CCDC171: variants seen among roughly 807,000 people sequenced by gnomAD.
CCDC171 encodes the protein coiled-coil domain containing 171, also known as coiled-coil domain-containing protein 171.
A neutral mutation model predicts 168.2 loss-of-function variants in CCDC171; 177 were observed. The observed-to-expected ratio is 1.05, with a 90% CI of 0.93 to 1.19. The LOEUF is 1.19. Among genes scored for constraint, CCDC171 ranks in the 50% most tolerant of loss-of-function variants. The pLI is 0.00. For missense variants in CCDC171, 1,991 were observed against 1,539.0 expected, an observed-to-expected ratio of 1.29 and a Z score of -4.91; for synonymous variants, 687 against 540.8, an observed-to-expected ratio of 1.27 and a Z score of -3.75.
intron 18 of CCDC171, among the ~76,000 whole-genome samples, chr9:15,749,822 A>G (rs2055590475): frequency 6.6e-6 from 1 of 152,244 alleles, no homozygotes; most frequent in African/African-American, 2.4e-5. Context: ...CATTTAAAGC[A>G]GTGTGTAGAG....
At chr9:15,699,837 C>T (rs181697526) in intron 11 of CCDC171, among the ~76,000 whole-genome samples, 9 of 152,336 alleles carry the variant, frequency 5.9e-5, no homozygotes, top group African/African-American at 2.2e-4. Context: ...CATTTACAAA[C>T]CCTGAGCTAG....
At chr9:15,608,158 G>T (rs985552978) in intron 6 of CCDC171, among the ~76,000 whole-genome samples, 6 of 152,064 alleles carry the variant, frequency 3.9e-5, no homozygotes, top group Non-Finnish European at 1.5e-5. Flanking sequence ...ATCCATGATT[G>T]GATTAACCCA....
chr9:15,594,509 A>C (rs2042204550), intron 6 of CCDC171, among the ~76,000 whole-genome samples: 1 of 152,324 alleles, frequency 6.6e-6, no homozygotes, highest in South Asian at 2.1e-4. Context: ...TGGATGTTAA[A>C]GAATCCTTAC....
At chr9:15,684,819 A>T (rs547403028) in intron 10 of CCDC171, among the ~76,000 whole-genome samples, 1 of 152,216 alleles carries the variant, frequency 6.6e-6, no homozygotes, top group African/African-American at 2.4e-5. Flanking sequence ...TTCATAATAC[A>T]TTAAGATTTG....
intron 10 of CCDC171, 61 bp from the exon 11 acceptor site, chr9:15,695,174 C>G (rs555258996): frequency 1.9e-5 from 20 of 1,064,588 alleles, no homozygotes; most frequent in African/African-American, 1.4e-4. Flanking sequence ...TATGTTCACA[C>G]TAAAAATATG....
intron 3 of CCDC171, among the ~76,000 whole-genome samples, chr9:15,998,019 A>T (rs1455957545): frequency 6.6e-6 from 1 of 152,160 alleles, no homozygotes; most frequent in Non-Finnish European, 1.5e-5. Flanking sequence ...TTGTACTTCC[A>T]TAGGATCCTT....
rs1239702314 is a variant in CCDC171, at chr9:15,972,796, TA to T, written c.*964del. On this transcript the variant is annotated 3_prime_UTR_variant, in exon 26 of 26. Coordinates refer to ENST00000380701, the MANE Select transcript of CCDC171 (RefSeq NM_173550.4). ...TTTTCTGCCTTGTAGCACACAAAAG[TA>T]AAATTGTATGTCAGGCCGAGATGTC... The T allele has an allele frequency of 6.6e-6, 1 of 152,044 alleles. No individual in the cohort carries two copies. Among genetic ancestry groups the T allele is most frequent in the East Asian group, 1.9e-4 (1 of 5,188 alleles). 9.4% of individuals were successfully genotyped at this position (152,044 alleles called of 1,614,324 possible). A position where few individuals can be genotyped will look rare whatever the true frequency, so the allele number is the denominator to read the frequency against.
chr9:16,069,634 C>G, the CCDC171 span, among the ~76,000 whole-genome samples: 1 of 152,236 alleles, frequency 6.6e-6, no homozygotes, highest in South Asian at 2.1e-4. Flanking sequence ...TTAGCTGTCC[C>G]TTGATCTTCA....
intron 7 of CCDC171, among the ~76,000 whole-genome samples, chr9:15,653,885 G>A (rs977837599): frequency 5.9e-5 from 9 of 152,032 alleles, no homozygotes; most frequent in Non-Finnish European, 1.2e-4. Context: ...CCAAAGTGAC[G>A]GGGGCCACTG....
intron 25 of CCDC171, among the ~76,000 whole-genome samples, chr9:15,949,080 A>C (rs1437532161): frequency 6.6e-6 from 1 of 152,052 alleles, no homozygotes; most frequent in Non-Finnish European, 1.5e-5. Flanking sequence ...TAAATAGGGA[A>C]TCCTTTCCCC....
chr9:15,627,119 A>C (rs1203227783), intron 7 of CCDC171, among the ~76,000 whole-genome samples: 1 of 152,164 alleles, frequency 6.6e-6, no homozygotes, highest in Admixed American at 6.5e-5. Flanking sequence ...TGTTCATAGT[A>C]TTCTCTGATG....
intron 21 of CCDC171, among the ~76,000 whole-genome samples, chr9:15,815,001 T>C (rs1438835064): frequency 6.6e-6 from 1 of 152,146 alleles, no homozygotes; most frequent in African/African-American, 2.4e-5. Context: ...CCATGAAAAA[T>C]CTTAGACATT....
downstream of CCDC171, among the ~76,000 whole-genome samples, chr9:16,063,179 A>T (rs778199305): frequency 6.6e-5 from 10 of 152,206 alleles, no homozygotes; most frequent in East Asian, 1.9e-4. Flanking sequence ...GCACAATGTG[A>T]GTAGTGATTC....
chr9:15,767,064 A>T (rs780293922), intron 18 of CCDC171, among the ~76,000 whole-genome samples: 8 of 152,236 alleles, frequency 5.3e-5, no homozygotes, highest in Non-Finnish European at 1.0e-4. Flanking sequence ...TTAAAAATAC[A>T]TGACGAAAGT....
chr9:15,598,701 C>A (rs989296823), intron 6 of CCDC171, among the ~76,000 whole-genome samples: 14 of 152,148 alleles, frequency 9.2e-5, no homozygotes, highest in Non-Finnish European at 1.0e-4. Flanking sequence ...TCCTGGATAT[C>A]CTTGTTAACT....
At chr9:15,653,819 G>T (rs2047716021) in intron 7 of CCDC171, among the ~76,000 whole-genome samples, 1 of 151,916 alleles carries the variant, frequency 6.6e-6, no homozygotes, top group Non-Finnish European at 1.5e-5. Context: ...GTTTTTCTCT[G>T]TTGCCCAGGC....
rs547561132 is a variant in CCDC171, at chr9:16,048,388, T to G, written n.89+5502T>G. On this transcript the variant is annotated intron_variant and non_coding_transcript_variant, in intron 1 of 1. Coordinates refer to the CCDC171 transcript ENST00000478913. ...AGGGAGGGAGGATGGCAGGTTGCCT[T>G]GGAAGGTCCCATCTTGAAGAGTGAG... Among the ~76,000 whole-genome samples, 5 of 152,294 alleles carry G rather than the reference T, an allele frequency of 3.3e-5. No individual in the cohort carries two copies. The East Asian group carries it at 9.7e-4, about 29-fold the overall frequency.
At chr9:15,864,389 C>A (rs1431139469) in intron 23 of CCDC171, among the ~76,000 whole-genome samples, 1 of 151,968 alleles carries the variant, frequency 6.6e-6, no homozygotes, top group Non-Finnish European at 1.5e-5. Context: ...ATACATGTGC[C>A]ATGTTGGTGT....
At chr9:15,721,735 T>C (rs560687507) in intron 11 of CCDC171, 34 bp from the exon 12 acceptor site, 16 of 1,265,258 alleles carry the variant, frequency 1.3e-5, no homozygotes, top group East Asian at 2.7e-5. Flanking sequence ...TTTGTGACTT[T>C]AAGGGTATAT....
Sources: allele counts gnomAD v4.1 joint callset (sites outside exome capture counted in the v4.1 genomes callset), GRCh38; gene constraint gnomAD v4.1.1; transcripts MANE v1.5; gene names NCBI Gene and HGNC (gene_info 2026-07-23, HGNC 2026-07-21).